LITAF: variants seen among roughly 807,000 people sequenced by gnomAD.
The protein encoded by LITAF is lipopolysaccharide-induced tumor necrosis factor-alpha factor.
A neutral mutation model predicts 14.5 loss-of-function variants in LITAF; 9 were observed. That is an observed-to-expected ratio of 0.62 (90% CI 0.37 to 1.08). The LOEUF (loss-of-function observed/expected upper bound fraction) is 1.08, where lower values mean the gene tolerates loss of function less well. Among genes scored for constraint, LITAF ranks in the 50% least tolerant of loss-of-function variants. The pLI is 0.01. For missense variants in LITAF, 206 were observed against 213.4 expected (o/e 0.97, Z 0.22); for synonymous variants, 98 against 88.2 (o/e 1.11, Z -0.62).
intron 1 of LITAF, chr16:11,584,202 C>T (rs1276499015): frequency 6.6e-6 from 1 of 152,190 alleles, no homozygotes; most frequent in Non-Finnish European, 1.5e-5. Context: ...GATAGACCGC[C>T]TCACCCACGG....
intron 1 of LITAF, among the ~76,000 whole-genome samples, chr16:11,559,399 T>C (rs1052293821): frequency 4.6e-5 from 7 of 152,208 alleles, no homozygotes; most frequent in Non-Finnish European, 1.0e-4. Flanking sequence ...ACAATTCAAT[T>C]ATTGGGAAGC....
intron 1 of LITAF, among the ~76,000 whole-genome samples, chr16:11,565,430 AC>A (rs1347689664): frequency 8.4e-6 from 1 of 119,296 alleles, no homozygotes; most frequent in Non-Finnish European, 1.7e-5. Flanking sequence ...CTTTCTCTTC[AC>A]TAAAAAGCGG....
At chr16:11,582,597 GC>G (rs1324275132) in intron 1 of LITAF, among the ~76,000 whole-genome samples, 1 of 152,106 alleles carries the variant, frequency 6.6e-6, no homozygotes, top group African/African-American at 2.4e-5. Context: ...ACTAAGCTAG[GC>G]CCATGAATAT....
At chr16:11,578,080 T>C (rs1482087347) in intron 1 of LITAF, among the ~76,000 whole-genome samples, 1 of 151,992 alleles carries the variant, frequency 6.6e-6, no homozygotes, top group African/African-American at 2.4e-5. Context: ...TAACTTTCCA[T>C]AGAGATGGGG....
At chr16:11,602,416 A>T (rs2064933344), upstream of LITAF, among the ~76,000 whole-genome samples, 1 of 152,162 alleles carries the variant, frequency 6.6e-6, no homozygotes, top group African/African-American at 2.4e-5. Flanking sequence ...AGCCCTACGC[A>T]GGCTGTTATG....
intron 3 of LITAF, among the ~76,000 whole-genome samples, chr16:11,613,579 G>C (rs1187920963): frequency 6.6e-6 from 1 of 152,188 alleles, no homozygotes; most frequent in South Asian, 2.1e-4. Context: ...ATTCAAACTG[G>C]GCTCCTATGA....
In LITAF at chr16:11,575,776, C is replaced by G. The variant is rs191148392; in HGVS notation, c.-6+11110G>C. On this transcript the variant is annotated intron_variant, in intron 1 of 3. Coordinates refer to ENST00000622633, the MANE Select transcript of LITAF (RefSeq NM_001136472.2). ...AACCAAGTTGAAACACAGCAGAAAC[C>G]CCAGTCTCCATAGCTTCTGGTGTTG... 2.8e-3 allele frequency among the ~76,000 whole-genome samples: 429 copies of G among 152,308 alleles called. 2 individuals are homozygous for G. The highest frequency in any genetic ancestry group is 1.0e-2 in the African/African-American group (415 of 41,572).
At chr16:11,639,207 G>A (rs11866866), upstream of LITAF, among the ~76,000 whole-genome samples, 1,361 of 151,982 alleles carry the variant, frequency 9.0e-3, 24 homozygotes, top group African/African-American at 0.03. Context: ...ATGGGTAGAT[G>A]GATGAATGGT....
At chr16:11,633,866 C>T (rs555626500) in intron 2 of LITAF, among the ~76,000 whole-genome samples, 1 of 152,132 alleles carries the variant, frequency 6.6e-6, no homozygotes. Flanking sequence ...GAGTCTGGAT[C>T]GGGACCCCTT....
upstream of LITAF, among the ~76,000 whole-genome samples, chr16:11,637,298 C>T (rs913236936): frequency 2.0e-5 from 3 of 152,230 alleles, no homozygotes; most frequent in Non-Finnish European, 2.9e-5. Flanking sequence ...GTCAGTGTGG[C>T]TGCCTTGGGT....
intron 3 of LITAF, among the ~76,000 whole-genome samples, chr16:11,630,570 CTTTTTT>C (rs66732953): frequency 2.6e-5 from 3 of 114,236 alleles, no homozygotes; most frequent in South Asian, 2.9e-4. Context: ...CCCTGGCCAA[CTTTTTT>C]TTTTTTTTTT....
intron 3 of LITAF, among the ~76,000 whole-genome samples, chr16:11,615,729 A>G (rs2065015551): frequency 6.6e-6 from 1 of 152,216 alleles, no homozygotes; most frequent in African/African-American, 2.4e-5. Flanking sequence ...CCTATGTGGT[A>G]TAATAAAAAG....
At chr16:11,571,706 G>A (rs2064543572) in intron 1 of LITAF, among the ~76,000 whole-genome samples, 1 of 152,200 alleles carries the variant, frequency 6.6e-6, no homozygotes, top group African/African-American at 2.4e-5. Context: ...CTCTAGGTGG[G>A]AGTGGGCCCT....
chr16:11,562,385 G>A (rs1239318235), intron 1 of LITAF, among the ~76,000 whole-genome samples: 7 of 151,144 alleles, frequency 4.6e-5, no homozygotes, highest in Admixed American at 3.3e-4. Flanking sequence ...AGGGCCTCGC[G>A]TTTCCATGCT....
chr16:11,556,471 G>A, intron 2 of LITAF, 40 bp downstream of exon 2: 1 of 1,557,604 alleles, frequency 6.4e-7, no homozygotes, highest in Non-Finnish European at 8.8e-7. Context: ...AGGGTGGAGG[G>A]CCAAGGAATG....
At position 11,585,376 on chromosome 16, in the gene LITAF, G is replaced by C. The variant is rs187797739; in HGVS notation, c.-6+1510C>G. ...ATGCCTTAAAGTAACAGGAAAGAGG[G>C]AGATGGGCCTCCCTCATGGTAGATT... On this transcript the variant is annotated intron_variant, in intron 1 of 3. Transcript: ENST00000622633. Among the ~76,000 whole-genome samples the C allele has an allele frequency of 6.6e-5, 10 of 152,260 alleles. No individual in the cohort carries two copies. The East Asian group carries it at 1.9e-3, about 29-fold the overall frequency.
chr16:11,579,383 G>A (rs967544615), intron 1 of LITAF, among the ~76,000 whole-genome samples: 11 of 151,760 alleles, frequency 7.2e-5, no homozygotes, highest in Admixed American at 2.0e-4. Context: ...CCCGGGAGGC[G>A]GAGCTTGCAG....
At chr16:11,554,414 C>T (rs1001058065) in intron 2 of LITAF, among the ~76,000 whole-genome samples, 1 of 152,018 alleles carries the variant, frequency 6.6e-6, no homozygotes, top group Non-Finnish European at 1.5e-5. Flanking sequence ...TGTGTTGATA[C>T]AAGAAATGAA....
intron 1 of LITAF, among the ~76,000 whole-genome samples, chr16:11,565,754 C>T (rs1368425639): frequency 2.6e-5 from 4 of 152,072 alleles, no homozygotes; most frequent in African/African-American, 9.7e-5. Context: ...TGGATGTTCC[C>T]AAACATGTCA....
Sources: gnomAD v4.1 joint callset for allele counts (sites outside exome capture counted in the v4.1 genomes callset) on GRCh38, gnomAD v4.1.1 for gene constraint, MANE v1.5 for transcripts, NCBI Gene and HGNC (gene_info 2026-07-23, HGNC 2026-07-21) for gene names.